Variants in TSGA10 observed in about 807,000 individuals in gnomAD.
The protein encoded by TSGA10 is testis specific 10.
A neutral mutation model predicts 96.6 loss-of-function variants in TSGA10; 43 were observed. That is an observed-to-expected ratio of 0.44 (90% CI 0.35 to 0.57). The LOEUF is 0.57. TSGA10 is among the 20% of genes least tolerant of loss of function. The pLI is 0.01. For missense variants in TSGA10, 703 were observed against 834.4 expected, an observed-to-expected ratio of 0.84 and a Z score of 1.94; for synonymous variants, 229 against 269.9, an observed-to-expected ratio of 0.85 and a Z score of 1.48.
intron 10 of TSGA10, among the ~76,000 whole-genome samples, chr2:99,086,425 T>G (rs927607856): frequency 5.9e-5 from 9 of 152,230 alleles, no homozygotes; most frequent in Non-Finnish European, 8.8e-5. Context: ...CAGGTTGGTT[T>G]ACAATTTGAA....
At chr2:99,125,236 T>C (rs1231887824) in intron 2 of TSGA10, 1 of 152,248 alleles carries the variant, frequency 6.6e-6, no homozygotes, top group East Asian at 1.9e-4. Context: ...ACTATTCCAC[T>C]GTATAGGTGT....
chr2:99,019,014 T>C (rs1201924073), intron 18 of TSGA10, among the ~76,000 whole-genome samples: 1 of 152,208 alleles, frequency 6.6e-6, no homozygotes, highest in Non-Finnish European at 1.5e-5. Flanking sequence ...CGGAATTCAC[T>C]AGCTCCATGA....
chr2:99,057,414 C>A (rs2104408538), intron 16 of TSGA10, among the ~76,000 whole-genome samples: 1 of 152,100 alleles, frequency 6.6e-6, no homozygotes, highest in East Asian at 1.9e-4. Flanking sequence ...TTGCAGGATA[C>A]AAGATCGATA....
At chr2:99,148,068 G>GT (rs2093650164) in intron 1 of TSGA10, among the ~76,000 whole-genome samples, 1 of 152,116 alleles carries the variant, frequency 6.6e-6, no homozygotes, top group Non-Finnish European at 1.5e-5. Context: ...CTGAAATAAT[G>GT]TATCTTTAGC....
chr2:99,088,316 T>C (rs1394880400), intron 10 of TSGA10, among the ~76,000 whole-genome samples: 4 of 152,248 alleles, frequency 2.6e-5, no homozygotes, highest in African/African-American at 9.6e-5. Flanking sequence ...ATTGTTGTTA[T>C]ATTTTATTAT....
At chr2:99,103,387 C>T (rs1225027093) in intron 10 of TSGA10, among the ~76,000 whole-genome samples, 1 of 152,180 alleles carries the variant, frequency 6.6e-6, no homozygotes, top group East Asian at 1.9e-4. Context: ...TAAAACCACT[C>T]ATGTAGAGGT....
chr2:99,119,231 A>T (rs971385565), intron 2 of TSGA10, among the ~76,000 whole-genome samples: 1 of 152,164 alleles, frequency 6.6e-6, no homozygotes, highest in Non-Finnish European at 1.5e-5. Flanking sequence ...AATGCCATTT[A>T]TTGTACCCAG....
At chr2:99,124,136 T>C (rs2092709871) in intron 2 of TSGA10, among the ~76,000 whole-genome samples, 1 of 152,262 alleles carries the variant, frequency 6.6e-6, no homozygotes, top group South Asian at 2.1e-4. Flanking sequence ...TCACCAACAC[T>C]TGTTATTTTC....
chr2:99,079,463 GAAATGTACATTCTT>G (rs1297379048), intron 11 of TSGA10, among the ~76,000 whole-genome samples: 3 of 152,138 alleles, frequency 2.0e-5, no homozygotes, highest in African/African-American at 4.8e-5. Flanking sequence ...CATCACCTGG[GAAATGTACATTCTT>G]ATGCCTCCAC....
intron 20 of TSGA10, among the ~76,000 whole-genome samples, chr2:99,015,668 CAAAT>C (rs943315015): frequency 3.3e-5 from 5 of 152,028 alleles, no homozygotes; most frequent in South Asian, 2.1e-4. Context: ...ACAAGAGAAA[CAAAT>C]AAAGGGCACC....
At chr2:99,091,357 T>G (rs1425274967) in intron 10 of TSGA10, among the ~76,000 whole-genome samples, 2 of 151,996 alleles carry the variant, frequency 1.3e-5, no homozygotes, top group Non-Finnish European at 2.9e-5. Context: ...AACAACACAG[T>G]AAGTAAATAC....
chr2:99,154,831 C>T lies in TSGA10; in HGVS notation c.-759G>A. The T allele has an allele frequency of 5.9e-6, 2 of 339,464 alleles. No individual in the cohort carries two copies. Among genetic ancestry groups the T allele is most frequent in the Non-Finnish European group, 1.2e-5 (2 of 171,384 alleles). 21.0% of individuals were successfully genotyped at this position (339,464 alleles called of 1,614,324 possible). A position where few individuals can be genotyped will look rare whatever the true frequency, so the allele number is the denominator to read the frequency against. On this transcript the variant is annotated 5_prime_UTR_variant, in exon 1 of 21. Transcript: ENST00000393483. ...GAACCTGGTTCCCGCCCTGAAGGAC[C>T]CTTACTTAGCACTCCTGCGGGCTGC...
At chr2:99,018,775 T>C (rs1377286527) in intron 18 of TSGA10, 135 bp from the exon 19 acceptor site, 2 of 712,192 alleles carry the variant, frequency 2.8e-6, no homozygotes. Flanking sequence ...GCCAGATTTA[T>C]TAGTACATCT....
At chr2:99,024,997 G>A (rs962176509) in intron 17 of TSGA10, among the ~76,000 whole-genome samples, 1 of 152,082 alleles carries the variant, frequency 6.6e-6, no homozygotes. Flanking sequence ...CTTACTAGAT[G>A]GTGTAAATTT....
chr2:99,150,485 A>G (rs750988071), intron 1 of TSGA10: 53 of 1,505,892 alleles, frequency 3.5e-5, no homozygotes, highest in Non-Finnish European at 4.6e-5. Context: ...TTTTTCAGTA[A>G]TCAAGTTGAA....
intron 10 of TSGA10, among the ~76,000 whole-genome samples, chr2:99,083,817 A>G (rs1282380547): frequency 6.6e-6 from 1 of 152,152 alleles, no homozygotes. Flanking sequence ...TGGTGGGGGA[A>G]GAGGAGATGT....
chr2:99,013,584 G>A (rs954396754), intron 20 of TSGA10, among the ~76,000 whole-genome samples: 11 of 151,308 alleles, frequency 7.3e-5, no homozygotes, highest in East Asian at 2.0e-4. Flanking sequence ...GCCTGCCTCC[G>A]CCCCCCAAAG....
intron 20 of TSGA10, among the ~76,000 whole-genome samples, chr2:99,014,554 T>C (rs1202109576): frequency 1.5e-4 from 23 of 152,024 alleles, no homozygotes; most frequent in Admixed American, 1.4e-3. Context: ...AGAGCACAAA[T>C]AGACACTCTA....
chr2:99,115,460 TA>T (rs577588283), intron 4 of TSGA10, among the ~76,000 whole-genome samples: 1,634 of 152,248 alleles, frequency 0.011, 9 homozygotes, highest in Middle Eastern at 0.027. Flanking sequence ...CATTTGAAGA[TA>T]AATAATTCAA....
Sources: allele counts gnomAD v4.1 joint callset (sites outside exome capture counted in the v4.1 genomes callset), GRCh38; gene constraint gnomAD v4.1.1; transcripts MANE v1.5; gene names NCBI Gene and HGNC (gene_info 2026-07-23, HGNC 2026-07-21).